Variants in PLCL1 observed in about 807,000 individuals in gnomAD.
PLCL1 encodes phospholipase C like 1 (inactive).
A neutral mutation model predicts 84.4 loss-of-function variants in PLCL1; 41 were observed. The observed-to-expected ratio is 0.49, with a 90% CI of 0.38 to 0.63. The LOEUF (loss-of-function observed/expected upper bound fraction) is 0.63. Among genes scored for constraint, PLCL1 ranks in the 30% least tolerant of loss-of-function variants. PLCL1 has a pLI of 0.00. For missense variants in PLCL1, 1,206 were observed against 1,367.8 expected, an observed-to-expected ratio of 0.88 and a Z score of 1.87; for synonymous variants, 490 against 488.3, an observed-to-expected ratio of 1.00 and a Z score of -0.05.
intron 1 of PLCL1, among the ~76,000 whole-genome samples, chr2:198,019,935 G>T (rs765307559): frequency 6.6e-6 from 1 of 152,064 alleles, no homozygotes; most frequent in African/African-American, 2.4e-5. Flanking sequence ...ACACATAATC[G>T]TCAGATTTAC....
intron 1 of PLCL1, among the ~76,000 whole-genome samples, chr2:197,960,539 T>A (rs932132166): frequency 1.3e-5 from 2 of 152,070 alleles, no homozygotes; most frequent in Non-Finnish European, 2.9e-5. Flanking sequence ...ATGGTGATAT[T>A]AGAGCCATAC....
intron 5 of PLCL1, among the ~76,000 whole-genome samples, chr2:198,106,747 T>C (rs2105916237): frequency 6.6e-6 from 1 of 152,016 alleles, no homozygotes; most frequent in African/African-American, 2.4e-5. Context: ...GGCTAGGTAC[T>C]TTATGTACAT....
At chr2:198,020,373 G>T (rs1010340519) in intron 1 of PLCL1, among the ~76,000 whole-genome samples, 3 of 152,036 alleles carry the variant, frequency 2.0e-5, no homozygotes, top group Non-Finnish European at 4.4e-5. Flanking sequence ...ACAGGATCAA[G>T]TTCACACATA....
intron 1 of PLCL1, among the ~76,000 whole-genome samples, chr2:197,898,146 T>C (rs1320745977): frequency 6.6e-6 from 1 of 152,184 alleles, no homozygotes; most frequent in Non-Finnish European, 1.5e-5. Context: ...ACTAATTAGA[T>C]CTTTCTGATT....
At chr2:197,990,189 C>T (rs1690312168) in intron 1 of PLCL1, among the ~76,000 whole-genome samples, 1 of 152,010 alleles carries the variant, frequency 6.6e-6, no homozygotes, top group Non-Finnish European at 1.5e-5. Context: ...TTTTTATTTG[C>T]TCATAGAGAT....
At chr2:198,016,631 C>T (rs1190404313) in intron 1 of PLCL1, among the ~76,000 whole-genome samples, 1 of 152,128 alleles carries the variant, frequency 6.6e-6, no homozygotes, top group African/African-American at 2.4e-5. Context: ...ACTTTGTTTA[C>T]AGGATTGTGT....
At chr2:198,041,545 G>T (rs372197592) in intron 1 of PLCL1, among the ~76,000 whole-genome samples, 1 of 152,110 alleles carries the variant, frequency 6.6e-6, no homozygotes, top group Non-Finnish European at 1.5e-5. Flanking sequence ...GAAATCTGAG[G>T]CATGGTTCAA....
chr2:198,076,424 G>A (rs958849548), intron 1 of PLCL1, among the ~76,000 whole-genome samples: 14 of 152,170 alleles, frequency 9.2e-5, no homozygotes, highest in African/African-American at 3.1e-4. Flanking sequence ...TTCAGACATA[G>A]AACTTAATTT....
chr2:198,107,953 A>T (rs889328883), intron 5 of PLCL1, among the ~76,000 whole-genome samples: 2 of 151,876 alleles, frequency 1.3e-5, no homozygotes, highest in African/African-American at 4.8e-5. Context: ...AGAGCTGGAC[A>T]AATGACCTCC....
intron 5 of PLCL1, among the ~76,000 whole-genome samples, chr2:198,120,025 G>T (rs542328140): frequency 1.6e-4 from 24 of 152,114 alleles, no homozygotes; most frequent in African/African-American, 5.3e-4. Context: ...ATTGGGCGTT[G>T]TGTCCAACGT....
intron 2 of PLCL1, 23 bp downstream of exon 2, chr2:198,086,255 C>A (rs753835173): frequency 3.5e-6 from 5 of 1,444,716 alleles, no homozygotes; most frequent in East Asian, 4.6e-5. Flanking sequence ...CTCACACTCT[C>A]CTTCCCTATC....
Position 198,083,898 on chromosome 2 carries a change from T to C in PLCL1, c.381T>C (p.Asn127=). The C allele has an allele frequency of 6.2e-7, 1 of 1,614,132 alleles. No homozygotes were observed. The highest frequency in any genetic ancestry group is 1.1e-5 in the South Asian group (1 of 91,084). The change falls in exon 2 of 6, where the codon AAT becomes AAC. Residue 127 remains asparagine, a synonymous_variant. Transcript: ENST00000428675. Reference sequence around the variant, plus strand: ...GTGAGTTGAAGAAAGTCCGGCCAAATTCTCGCATTTACAACCGTTTTTTCA... The same window carrying C: ...GTGAGTTGAAGAAAGTCCGGCCAAACTCTCGCATTTACAACCGTTTTTTCA... ...AGCELKKVRP[N]SRIYNRFFTL... is the part of the protein sequence containing the mutation.
chr2:198,128,507 C>T (rs1183716664), intron 5 of PLCL1, among the ~76,000 whole-genome samples: 4 of 152,034 alleles, frequency 2.6e-5, no homozygotes, highest in South Asian at 2.1e-4. Flanking sequence ...AATCATGGGG[C>T]GTTACTGTCT....
intron 1 of PLCL1, among the ~76,000 whole-genome samples, chr2:197,912,521 A>G (rs1222515380): frequency 1.3e-5 from 2 of 151,386 alleles, no homozygotes; most frequent in African/African-American, 2.4e-5. Flanking sequence ...ATTATTCACA[A>G]TAGCAAAGAC....
At chr2:198,079,070 A>G (rs185637350) in intron 1 of PLCL1, among the ~76,000 whole-genome samples, 1 of 152,000 alleles carries the variant, frequency 6.6e-6, no homozygotes, top group African/African-American at 2.4e-5. Flanking sequence ...CTTGTATTGA[A>G]TAAGTAGAGT....
intron 1 of PLCL1, among the ~76,000 whole-genome samples, chr2:198,078,964 G>A (rs972863048): frequency 5.3e-5 from 8 of 151,890 alleles, no homozygotes; most frequent in East Asian, 1.9e-4. Context: ...AAGTGTATAA[G>A]CATTAGGTAG....
intron 1 of PLCL1, among the ~76,000 whole-genome samples, chr2:197,992,266 TA>T (rs1423515727): frequency 2.0e-5 from 3 of 152,076 alleles, no homozygotes; most frequent in Non-Finnish European, 4.4e-5. Flanking sequence ...ACTATTAAAT[TA>T]AATTAATTTA....
At chr2:197,930,301 A>G (rs1688907608) in intron 1 of PLCL1, among the ~76,000 whole-genome samples, 1 of 152,194 alleles carries the variant, frequency 6.6e-6, no homozygotes, top group Non-Finnish European at 1.5e-5. Flanking sequence ...GGAAACATAC[A>G]ATTTTGGTAA....
chr2:198,069,085 T>C (rs925073128), intron 1 of PLCL1, among the ~76,000 whole-genome samples: 2 of 150,378 alleles, frequency 1.3e-5, no homozygotes, highest in Admixed American at 1.3e-4. Context: ...ATTGCCTAGA[T>C]AAGCAAACAT....
Sources: allele counts gnomAD v4.1 joint callset (sites outside exome capture counted in the v4.1 genomes callset), GRCh38; gene constraint gnomAD v4.1.1; transcripts MANE v1.5; gene names NCBI Gene and HGNC (gene_info 2026-07-23, HGNC 2026-07-21).